CDH4: variants seen among roughly 807,000 people sequenced by gnomAD.
The protein encoded by CDH4 is cadherin-4.
Under a neutral mutation model 86.0 loss-of-function variants are expected in CDH4, and 33 were observed. The observed-to-expected ratio is 0.38, with a 90% CI of 0.29 to 0.51. The LOEUF is 0.51. Among genes scored for constraint, CDH4 ranks in the 20% least tolerant of loss-of-function variants. The pLI, the probability that CDH4 is intolerant of heterozygous loss-of-function variation, is 0.86. For missense variants in CDH4, 1,114 were observed against 1,307.4 expected (o/e 0.85, Z 2.28); for synonymous variants, 555 against 549.4 (o/e 1.01, Z -0.14).
intron 3 of CDH4, among the ~76,000 whole-genome samples, chr20:61,755,522 CCA>C (rs1438907951): frequency 6.7e-6 from 1 of 149,358 alleles, no homozygotes; most frequent in Non-Finnish European, 1.5e-5. Flanking sequence ...CCCATACACA[CCA>C]CACACACCAT....
At chr20:61,725,921 T>C (rs2088105375) in intron 2 of CDH4, among the ~76,000 whole-genome samples, 1 of 152,234 alleles carries the variant, frequency 6.6e-6, no homozygotes, top group Non-Finnish European at 1.5e-5. Context: ...AGAAATAGCC[T>C]GGCCGGTCCT....
At chr20:61,738,175 G>A (rs2088288587) in intron 2 of CDH4, 1 of 152,254 alleles carries the variant, frequency 6.6e-6, no homozygotes, top group South Asian at 2.1e-4. Context: ...ACCGCCAGGG[G>A]GACAGAGGCA....
intron 4 of CDH4, among the ~76,000 whole-genome samples, chr20:61,779,220 C>T (rs2145995741): frequency 6.6e-6 from 1 of 152,318 alleles, no homozygotes; most frequent in Non-Finnish European, 1.5e-5. Context: ...TCCAGGGCAA[C>T]TGCAGGAATC....
chr20:61,905,307 G>A (rs368942470), intron 8 of CDH4, among the ~76,000 whole-genome samples: 1 of 152,232 alleles, frequency 6.6e-6, no homozygotes, highest in East Asian at 1.9e-4. Flanking sequence ...AAACTTGCAT[G>A]ATTTAGAATA....
At chr20:61,453,692 T>C (rs1433412074) in intron 2 of CDH4, among the ~76,000 whole-genome samples, 1 of 152,238 alleles carries the variant, frequency 6.6e-6, no homozygotes, top group Admixed American at 6.5e-5. Context: ...GGCCTATCTT[T>C]CTTTGCGGAA....
chr20:61,574,027 G>A (rs768748822), intron 2 of CDH4, among the ~76,000 whole-genome samples: 1 of 152,172 alleles, frequency 6.6e-6, no homozygotes, highest in Non-Finnish European at 1.5e-5. Context: ...AGCCCCACGG[G>A]CCTGCGAGTG....
In CDH4 at chr20:61,393,796, G is replaced by A. The variant is rs2085000158; in HGVS notation, c.169+138859G>A. Among the ~76,000 whole-genome samples the A allele has an allele frequency of 6.6e-6, 1 of 151,964 alleles. No homozygotes were observed. Among genetic ancestry groups the A allele is most frequent in the African/African-American group, 2.4e-5 (1 of 41,358 alleles). On this transcript the variant is annotated intron_variant, in intron 2 of 15. Coordinates refer to ENST00000614565, the MANE Select transcript of CDH4 (RefSeq NM_001794.5). The surrounding 1 kb of genome is among the most constrained non-coding windows in gnomAD (Gnocchi z 4.3). ...CCGTGCAGTGAACTCTTACACCCCA[G>A]GGCTCAGTGTGTGAGAGCTACTGCC...
intron 2 of CDH4, chr20:61,599,700 C>A (rs558591734): frequency 9.1e-6 from 5 of 552,314 alleles, no homozygotes; most frequent in African/African-American, 8.2e-5. Context: ...GTCTCTGCGT[C>A]TGGGCTCCTT....
chr20:61,620,186 G>GTGGATGGATGGATGGA (rs1237568321), intron 2 of CDH4, among the ~76,000 whole-genome samples: 1 of 138,332 alleles, frequency 7.2e-6, no homozygotes, highest in African/African-American at 2.8e-5. Flanking sequence ...GGGTGGGTGG[G>GTGGATGGATGGATGGA]TGGATGGATG....
At chr20:61,752,592 G>A (rs931958265) in intron 3 of CDH4, among the ~76,000 whole-genome samples, 3 of 152,134 alleles carry the variant, frequency 2.0e-5, no homozygotes, top group African/African-American at 4.8e-5. Context: ...GAAATCTTAC[G>A]CATAATCACC....
intron 2 of CDH4, among the ~76,000 whole-genome samples, chr20:61,404,864 C>A (rs925292080): frequency 1.3e-5 from 2 of 151,998 alleles, no homozygotes; most frequent in Non-Finnish European, 2.9e-5. Context: ...TCCTGGCTAA[C>A]ACGGTGAAAC....
rs188642249 is a variant in CDH4, at chr20:61,545,440, G to A, written c.170-198123G>A. On this transcript the variant is annotated intron_variant, in intron 2 of 15. Coordinates refer to ENST00000614565, the MANE Select transcript of CDH4 (RefSeq NM_001794.5). ...GCGATCAGTCTGTCACGGGAAGGACGCTGACCCCGGCGCTCCCCAGGCTGC... is the reference window on the plus strand; with the variant it reads ...GCGATCAGTCTGTCACGGGAAGGACACTGACCCCGGCGCTCCCCAGGCTGC... Among the ~76,000 whole-genome samples the A allele has an allele frequency of 9.7e-3, 1,478 of 152,312 alleles. 16 individuals are homozygous for A. Among genetic ancestry groups the A allele is most frequent in the African/African-American group, 0.023 (946 of 41,576 alleles).
chr20:61,809,804 A>T (rs1386311648), intron 4 of CDH4, among the ~76,000 whole-genome samples: 1 of 152,230 alleles, frequency 6.6e-6, no homozygotes, highest in Non-Finnish European at 1.5e-5. Flanking sequence ...GTTACAACCA[A>T]CAAGTACCTG....
chr20:61,352,164 C>G (rs2084716808), intron 2 of CDH4, among the ~76,000 whole-genome samples: 1 of 152,180 alleles, frequency 6.6e-6, no homozygotes, highest in African/African-American at 2.4e-5. Flanking sequence ...CCTTCCCAGC[C>G]TCTGGCCACC....
At chr20:61,653,746 G>GAA (rs2087154223) in intron 2 of CDH4, among the ~76,000 whole-genome samples, 1 of 115,876 alleles carries the variant, frequency 8.6e-6, no homozygotes, top group Non-Finnish European at 2.0e-5. Context: ...CATCCCAGAC[G>GAA]GGGCGGCGGG....
chr20:61,354,901 G>A (rs116598718), intron 2 of CDH4, among the ~76,000 whole-genome samples: 1,688 of 152,282 alleles, frequency 0.011, 30 homozygotes, highest in African/African-American at 0.038. Context: ...GGCTGCCGAC[G>A]CAGCTTACTC....
intron 2 of CDH4, among the ~76,000 whole-genome samples, chr20:61,581,610 C>T (rs116611776): frequency 0.012 from 1,892 of 152,250 alleles, 36 homozygotes; most frequent in African/African-American, 0.034. Context: ...ACCTCCTCCT[C>T]GGACCCGCCC....
At chr20:61,639,624 G>A (rs373950017) in intron 2 of CDH4, among the ~76,000 whole-genome samples, 1 of 152,216 alleles carries the variant, frequency 6.6e-6, no homozygotes, top group African/African-American at 2.4e-5. Context: ...GATACATCGC[G>A]TCAGTGCTTG....
In CDH4 at chr20:61,754,268, A is replaced by G. The variant is rs189976695; in HGVS notation, c.396+10479A>G. Among the ~76,000 whole-genome samples the G allele has an allele frequency of 6.6e-6, 1 of 152,270 alleles. No homozygotes were observed. The highest frequency in any genetic ancestry group is 6.5e-5 in the Admixed American group (1 of 15,300). ...GACCAGAGCCTTTCAGCCGAGGTGG[A>G]GACTCAGATGGCAGAGTGCAGACAG... On this transcript the variant is annotated intron_variant, in intron 3 of 15. Coordinates refer to ENST00000614565, the MANE Select transcript of CDH4 (RefSeq NM_001794.5). The surrounding 1 kb of genome is among the most constrained non-coding windows in gnomAD (Gnocchi z 4.7).
Sources: allele counts gnomAD v4.1 joint callset (sites outside exome capture counted in the v4.1 genomes callset), GRCh38; gene constraint gnomAD v4.1.1; non-coding constraint Gnocchi (gnomAD v3.1); transcripts MANE v1.5; gene names NCBI Gene and HGNC (gene_info 2026-07-23, HGNC 2026-07-21).